Variants in PRRC2C observed in about 807,000 individuals in gnomAD.
The protein encoded by PRRC2C is proline rich coiled-coil 2C, also known as protein PRRC2C.
Under a neutral mutation model 317.2 loss-of-function variants are expected in PRRC2C, and 72 were observed. The ratio of observed to expected loss-of-function variants is 0.23; its 90% confidence interval spans 0.19 to 0.28. PRRC2C has a LOEUF of 0.28. Ranked by LOEUF, PRRC2C falls within the 10% of genes least tolerant of loss-of-function variation. The pLI, the probability that PRRC2C is intolerant of heterozygous loss-of-function variation, is 1.00. For synonymous variants in PRRC2C, 1,296 were observed against 1,205.9 expected (o/e 1.07, Z -1.55); for missense variants, 3,074 against 3,459.7 (o/e 0.89, Z 2.80).
chr1:171,498,872 G>T (rs948191357), intron 1 of PRRC2C, among the ~76,000 whole-genome samples: 1 of 152,116 alleles, frequency 6.6e-6, no homozygotes, highest in South Asian at 2.1e-4. Context: ...TGCGATCATC[G>T]CTCACTGCAG....
chr1:171,527,014 G>T (rs190846539), intron 10 of PRRC2C, among the ~76,000 whole-genome samples: 2 of 151,622 alleles, frequency 1.3e-5, no homozygotes, highest in Non-Finnish European at 2.9e-5. Context: ...CGCCATGTTC[G>T]CCAGGCTGGT....
intron 34 of PRRC2C, 90 bp downstream of exon 34, chr1:171,589,695 C>A: frequency 1.1e-6 from 1 of 905,590 alleles, no homozygotes; most frequent in Non-Finnish European, 1.5e-6. Context: ...TATATCCAGG[C>A]ATTCATTGTC....
chr1:171,523,497 A>C lies in PRRC2C; in HGVS notation c.1030A>C (p.Ser344Arg), dbSNP rs781740789. 1 of 1,611,468 alleles carries C rather than the reference A, an allele frequency of 6.2e-7. No homozygotes were observed. Among genetic ancestry groups the C allele is most frequent in the South Asian group, 1.1e-5 (1 of 90,894 alleles). The change falls in exon 9 of 35, where the codon AGT becomes CGT. Residue 344 changes from serine to arginine, a missense_variant. Ser to Arg is a moderately radical substitution (Grantham distance 110). Transcript: ENST00000647382. Reference sequence around the variant, plus strand: ...TTTCAGTGATGATGATGAACAAGGAAGTAACAGTCCTAAAGAGAATAACAG... The same window carrying C: ...TTTCAGTGATGATGATGAACAAGGACGTAACAGTCCTAAAGAGAATAACAG... ...LNFSDDDEQG[S>R]NSPKENNSED...
chr1:171,527,786 A>G lies in PRRC2C; in HGVS notation c.1201-5A>G, dbSNP rs969019010. 2 of 1,567,152 alleles carry G rather than the reference A, an allele frequency of 1.3e-6. No homozygotes were observed. Among genetic ancestry groups the G allele is most frequent in the Non-Finnish European group, 1.7e-6 (2 of 1,153,764 alleles). ...ATAAGAATAATTCTTTCTTCTTTAT[A>G]ATAGGAACGTGGAACATCTTCACAT... On this transcript the variant is annotated splice_polypyrimidine_tract_variant and splice_region_variant and intron_variant, in intron 10 of 34. Coordinates refer to ENST00000647382, the MANE Select transcript of PRRC2C (RefSeq NM_001387844.1).
In PRRC2C at chr1:171,584,118, G is replaced by A; in HGVS notation, c.7572G>A (p.Leu2524=). Residue 2524 remains leucine, a synonymous_variant, in exon 29 of 35, where the codon TTG becomes TTA. Transcript: ENST00000647382. ...QTSNTQPIPI[L]YEHQLGQASG... ...CAAATACTCAGCCCATTCCTATATT[G>A]TATGAACATCAACTGGGGCAGGCAT... is the stretch of plus-strand genomic sequence containing the variant. The A allele has an allele frequency of 6.2e-7, 1 of 1,613,906 alleles. No individual in the cohort carries two copies. Among genetic ancestry groups the A allele is most frequent in the East Asian group, 2.2e-5 (1 of 44,888 alleles).
intron 17 of PRRC2C, among the ~76,000 whole-genome samples, chr1:171,548,211 C>G (rs114542819): frequency 6.6e-6 from 1 of 152,086 alleles, no homozygotes; most frequent in Non-Finnish European, 1.5e-5. Context: ...TCATGTTATC[C>G]GCCTTCCTTG....
chr1:171,576,596 G>A (rs1430806637), intron 25 of PRRC2C, among the ~76,000 whole-genome samples: 1 of 152,080 alleles, frequency 6.6e-6, no homozygotes, highest in Non-Finnish European at 1.5e-5. Context: ...TACTTATTAA[G>A]TAGTTTATTT....
chr1:171,491,025 T>C (rs1667054103), intron 1 of PRRC2C, among the ~76,000 whole-genome samples: 1 of 152,230 alleles, frequency 6.6e-6, no homozygotes, highest in Admixed American at 6.5e-5. Context: ...TATTTCTATA[T>C]ATCTTCTGAA....
chr1:171,579,783 A>G, intron 27 of PRRC2C, 45 bp from the exon 28 acceptor site: 3 of 1,491,230 alleles, frequency 2.0e-6, no homozygotes, highest in Non-Finnish European at 2.7e-6. Context: ...ATTTATCTGT[A>G]TGATGTTGAT....
At chr1:171,552,126 C>T (rs1029990221) in intron 18 of PRRC2C, among the ~76,000 whole-genome samples, 8 of 152,126 alleles carry the variant, frequency 5.3e-5, no homozygotes, top group African/African-American at 1.9e-4. Context: ...TTTGTGTTCT[C>T]TTTTATTTTG....
intron 22 of PRRC2C, 129 bp downstream of exon 22, chr1:171,566,972 G>T: frequency 1.9e-6 from 2 of 1,061,900 alleles, no homozygotes; most frequent in East Asian, 5.5e-5. Context: ...TTTCCGCAAA[G>T]AAGATTTTGT....
intron 19 of PRRC2C, among the ~76,000 whole-genome samples, chr1:171,559,043 C>G (rs1682037589): frequency 6.6e-6 from 1 of 152,164 alleles, no homozygotes; most frequent in Non-Finnish European, 1.5e-5. Flanking sequence ...TATCTCTATT[C>G]AATTCTGTGA....
chr1:171,499,797 CAAAA>C (rs1199378835), intron 1 of PRRC2C, among the ~76,000 whole-genome samples: 1 of 150,492 alleles, frequency 6.6e-6, no homozygotes, highest in East Asian at 1.9e-4. Flanking sequence ...AAGTGGGACT[CAAAA>C]AAAGACGAAA....
At chr1:171,496,685 A>G (rs1305712889) in intron 1 of PRRC2C, among the ~76,000 whole-genome samples, 1 of 152,032 alleles carries the variant, frequency 6.6e-6, no homozygotes, top group Non-Finnish European at 1.5e-5. Context: ...CCCTGTCATC[A>G]CCAGAAACTT....
At chr1:171,558,808 C>T (rs963489449) in intron 19 of PRRC2C, among the ~76,000 whole-genome samples, 2 of 152,146 alleles carry the variant, frequency 1.3e-5, no homozygotes, top group African/African-American at 4.8e-5. Context: ...GGAAGAGTCA[C>T]GTACGTCTCA....
chr1:171,541,522 T>C lies in PRRC2C; in HGVS notation c.4056T>C (p.Arg1352=), dbSNP rs1353023987. The C allele has an allele frequency of 1.9e-6, 3 of 1,613,584 alleles. No individual in the cohort carries two copies. The highest frequency in any genetic ancestry group is 1.6e-4 in the Middle Eastern group (1 of 6,062). ...GAGGCAGAGGGGGAACATTCAGGCG[T>C]GGTGGAAGGGATCCTGGAGGCCGTC... ...TRRGRGGTFR[R]GGRDPGGRPS... Residue 1352 remains arginine, a synonymous_variant, in exon 16 of 35, where the codon CGT becomes CGC. Transcript: ENST00000647382. This position sits in a 1 kb window ranked among gnomAD's most constrained non-coding sequence, Gnocchi z 4.1.
At chr1:171,531,160 CAG>C (rs796530912) in intron 11 of PRRC2C, among the ~76,000 whole-genome samples, 57 of 152,142 alleles carry the variant, frequency 3.7e-4, no homozygotes, top group African/African-American at 1.4e-3. Flanking sequence ...CTAGGACAAA[CAG>C]AACTATACAA....
chr1:171,568,179 A>T (rs961260649), intron 22 of PRRC2C, 68 bp from the exon 23 acceptor site: 1 of 1,491,792 alleles, frequency 6.7e-7, no homozygotes, highest in African/African-American at 1.4e-5. Context: ...CGAGACTCAA[A>T]AAAAAGAGGA....
intron 19 of PRRC2C, among the ~76,000 whole-genome samples, chr1:171,560,231 C>G (rs1208899238): frequency 6.6e-6 from 1 of 152,104 alleles, no homozygotes; most frequent in Non-Finnish European, 1.5e-5. Context: ...TGATTGTAAC[C>G]CTCATGGATG....
Sources: gnomAD v4.1 joint callset for allele counts (sites outside exome capture counted in the v4.1 genomes callset) on GRCh38, gnomAD v4.1.1 for gene constraint, Gnocchi (gnomAD v3.1) non-coding constraint, MANE v1.5 for transcripts, NCBI Gene and HGNC (gene_info 2026-07-23, HGNC 2026-07-21) for gene names.